RBFOX1: variants seen among roughly 807,000 people sequenced by gnomAD.
RBFOX1 encodes RNA binding protein fox-1 homolog 1.
A neutral mutation model predicts 57.7 loss-of-function variants in RBFOX1; 8 were observed. The ratio of observed to expected loss-of-function variants is 0.14; its 90% CI spans 0.08 to 0.25. The LOEUF is 0.25. Among genes scored for constraint, RBFOX1 ranks in the 10% least tolerant of loss-of-function variants. The pLI, the probability that RBFOX1 is intolerant of heterozygous loss-of-function variation, is 1.00. For missense variants in RBFOX1, 611 were observed against 548.5 expected, an observed-to-expected ratio of 1.11 and a Z score of -1.14; for synonymous variants, 326 against 222.4, an observed-to-expected ratio of 1.47 and a Z score of -4.15.
chr16:5,711,353 C>G (rs528722459), intron 3 of RBFOX1, among the ~76,000 whole-genome samples: 2 of 152,318 alleles, frequency 1.3e-5, no homozygotes, highest in Non-Finnish European at 2.9e-5. Context: ...TAGTAAGTGG[C>G]AAAGCTTAGA....
chr16:5,339,816 A>T (rs967360833), intron 1 of RBFOX1, among the ~76,000 whole-genome samples: 8 of 151,986 alleles, frequency 5.3e-5, no homozygotes, highest in African/African-American at 1.9e-4. Context: ...GCAGCCAAGG[A>T]TTCTTGGGAG....
At chr16:6,171,646 A>G (rs1423709659) in intron 1 of RBFOX1, among the ~76,000 whole-genome samples, 1 of 152,132 alleles carries the variant, frequency 6.6e-6, no homozygotes, top group Admixed American at 6.6e-5. Context: ...GTAGACCTGG[A>G]TTTTAGGTCC....
intron 14 of RBFOX1, among the ~76,000 whole-genome samples, chr16:7,682,438 C>G (rs138028424): frequency 6.6e-6 from 1 of 151,934 alleles, no homozygotes; most frequent in African/African-American, 2.4e-5. Flanking sequence ...AGAGAAGCCA[C>G]TTGCAAGTTT....
In RBFOX1 at chr16:6,751,104, C is replaced by G. The variant is rs763479830; in HGVS notation, c.-16+96454C>G. Among the ~76,000 whole-genome samples the G allele has an allele frequency of 3.3e-5, 5 of 152,096 alleles. No individual in the cohort carries two copies. In the South Asian group the frequency reaches 1.0e-3, roughly 32 times the overall value. On this transcript the variant is annotated intron_variant, in intron 3 of 15. Transcript: ENST00000550418. ...CAGAGAAGTCAGTGGAGGGGTAGGA[C>G]ATAGGTTTGAATAGCAGATAAAGGC...
intron 1 of RBFOX1, among the ~76,000 whole-genome samples, chr16:5,358,812 A>G (rs1596648105): frequency 6.6e-6 from 1 of 152,192 alleles, no homozygotes; most frequent in African/African-American, 2.4e-5. Flanking sequence ...GTGTGACAAG[A>G]GCAAAACTCC....
At chr16:7,443,327 G>C (rs575691824) in intron 4 of RBFOX1, among the ~76,000 whole-genome samples, 35 of 152,138 alleles carry the variant, frequency 2.3e-4, no homozygotes, top group African/African-American at 8.4e-4. Context: ...AGCCTTTACT[G>C]TGCTGAGTGA....
intron 2 of RBFOX1, among the ~76,000 whole-genome samples, chr16:6,568,579 G>A (rs984153675): frequency 2.6e-5 from 4 of 152,096 alleles, no homozygotes; most frequent in East Asian, 1.9e-4. Flanking sequence ...ACAAAGGCAC[G>A]AATAACAGAA....
chr16:5,824,880 C>T (rs188960416), intron 3 of RBFOX1, among the ~76,000 whole-genome samples: 1,905 of 152,314 alleles, frequency 0.013, 22 homozygotes, highest in Middle Eastern at 0.037. Context: ...CTTTGGTTTA[C>T]TTTCCTGGGG....
At chr16:6,639,817 T>G (rs993624595) in intron 2 of RBFOX1, among the ~76,000 whole-genome samples, 1 of 152,130 alleles carries the variant, frequency 6.6e-6, no homozygotes, top group Non-Finnish European at 1.5e-5. Flanking sequence ...AGGCAGAGCT[T>G]GCAGTGAGCT....
chr16:6,080,213 G>A (rs563062238), intron 1 of RBFOX1, among the ~76,000 whole-genome samples: 4 of 152,132 alleles, frequency 2.6e-5, no homozygotes, highest in Admixed American at 6.6e-5. Flanking sequence ...GCGCTGATCC[G>A]TGGTTTCCTT....
chr16:5,793,135 A>T (rs914989630), intron 3 of RBFOX1, among the ~76,000 whole-genome samples: 1 of 151,820 alleles, frequency 6.6e-6, no homozygotes, highest in African/African-American at 2.4e-5. Flanking sequence ...TGTCTCCATG[A>T]CTCCCTTTCT....
intron 3 of RBFOX1, among the ~76,000 whole-genome samples, chr16:5,608,610 C>G (rs73525628): frequency 0.023 from 3,456 of 152,274 alleles, 130 homozygotes; most frequent in African/African-American, 0.078. Flanking sequence ...TAGGAGAGAG[C>G]ACTAGAGAAG....
intron 4 of RBFOX1, among the ~76,000 whole-genome samples, chr16:7,092,196 C>G (rs1551961): frequency 0.44 from 66,318 of 152,080 alleles, 15,203 homozygotes; most frequent in East Asian, 0.71. Context: ...ACAAGGTATA[C>G]CACTGTTTTA....
chr16:6,048,818 G>A (rs1321786011), intron 1 of RBFOX1, among the ~76,000 whole-genome samples: 1 of 152,116 alleles, frequency 6.6e-6, no homozygotes, highest in Non-Finnish European at 1.5e-5. Flanking sequence ...TAAAGACATA[G>A]CGTTATTCCT....
At chr16:6,871,988 C>G (rs957200648) in intron 3 of RBFOX1, among the ~76,000 whole-genome samples, 33 of 149,780 alleles carry the variant, frequency 2.2e-4, no homozygotes, top group African/African-American at 7.2e-4. Flanking sequence ...ATGGGGATCT[C>G]TGAAACCCTT....
intron 2 of RBFOX1, among the ~76,000 whole-genome samples, chr16:5,520,665 A>G (rs1307702779): frequency 1.3e-5 from 2 of 152,188 alleles, no homozygotes; most frequent in African/African-American, 4.8e-5. Flanking sequence ...TCTCTTCTGA[A>G]AAGAGACTGT....
At chr16:5,977,275 C>T (rs2060084112) in intron 4 of RBFOX1, among the ~76,000 whole-genome samples, 1 of 152,160 alleles carries the variant, frequency 6.6e-6, no homozygotes, top group Non-Finnish European at 1.5e-5. Flanking sequence ...CCCCATGACC[C>T]TGGAGGAGGT....
intron 1 of RBFOX1, among the ~76,000 whole-genome samples, chr16:6,096,454 T>C (rs1397315859): frequency 2.0e-5 from 3 of 152,180 alleles, no homozygotes; most frequent in Admixed American, 6.5e-5. Flanking sequence ...TTAGGACTGC[T>C]GATGCCCTGC....
intron 4 of RBFOX1, among the ~76,000 whole-genome samples, chr16:7,190,159 G>A (rs1237438171): frequency 7.2e-5 from 11 of 152,092 alleles, no homozygotes; most frequent in African/African-American, 9.7e-5. Context: ...TCAGGAGTTC[G>A]AGACCAGCCT....
Sources: gnomAD v4.1 joint callset for allele counts (sites outside exome capture counted in the v4.1 genomes callset) on GRCh38, gnomAD v4.1.1 for gene constraint, MANE v1.5 for transcripts, NCBI Gene and HGNC (gene_info 2026-07-23, HGNC 2026-07-21) for gene names.